The following AGPAT3 variants were observed in gnomAD, a reference collection of about 807,000 sequenced individuals.
AGPAT3 encodes 1-acylglycerol-3-phosphate O-acyltransferase 3.
AGPAT3 carries 5 observed loss-of-function variants against 47.3 expected under a neutral mutation model. The ratio of observed to expected loss-of-function variants is 0.11; its 90% confidence interval spans 0.06 to 0.22. The LOEUF (loss-of-function observed/expected upper bound fraction) is 0.22. AGPAT3 is among the 10% of genes least tolerant of loss of function. AGPAT3 has a pLI of 1.00. For missense variants in AGPAT3, 315 were observed against 493.0 expected (o/e 0.64, Z 3.42); for synonymous variants, 212 against 208.3 (o/e 1.02, Z -0.15).
At position 43,955,516 on chromosome 21, in the gene AGPAT3, C is replaced by T. The variant is rs1405971245; in HGVS notation, c.-48-4118C>T. The stretch of plus-strand genomic sequence containing the variant: ...CGATCTCAGCTCACTGCAGCCTCCT[C>T]CTCCCAGGTTCAAGCTATTTTCCTG... On this transcript the variant is annotated intron_variant, in intron 2 of 9. Coordinates refer to ENST00000291572, the MANE Select transcript of AGPAT3 (RefSeq NM_020132.5). This position sits in a 1 kb window ranked among gnomAD's most constrained non-coding sequence, Gnocchi z 4.1. Among the ~76,000 whole-genome samples the T allele has an allele frequency of 6.6e-6, 1 of 152,066 alleles. No individual in the cohort carries two copies. Among genetic ancestry groups the T allele is most frequent in the Non-Finnish European group, 1.5e-5 (1 of 68,012 alleles).
intron 3 of AGPAT3, among the ~76,000 whole-genome samples, chr21:43,961,040 T>C (rs1055169932): frequency 2.6e-5 from 4 of 151,604 alleles, no homozygotes; most frequent in African/African-American, 4.8e-5. Context: ...CTCGGGAGGC[T>C]GAGGCAGGAG....
chr21:43,878,020 T>C (rs2085772067), intron 1 of AGPAT3, among the ~76,000 whole-genome samples: 1 of 151,994 alleles, frequency 6.6e-6, no homozygotes, highest in South Asian at 2.1e-4. Context: ...GTGGGGTCGC[T>C]CCAGCTCAGA....
intron 1 of AGPAT3, among the ~76,000 whole-genome samples, chr21:43,892,966 G>T (rs937004405): frequency 6.6e-6 from 1 of 152,160 alleles, no homozygotes; most frequent in Non-Finnish European, 1.5e-5. Context: ...ATGGTGACTT[G>T]TGCCTGTCAT....
rs1411928686 is a variant in AGPAT3 at position 43,981,234 on chromosome 21, G to A, written c.1042+47G>A. ...AGCTCACACTCTGACGGGCCTCACAGTATCAGCCACAGGGTCCGGGACCTG... is the reference window on the plus strand; with the variant it reads ...AGCTCACACTCTGACGGGCCTCACAATATCAGCCACAGGGTCCGGGACCTG... On this transcript the variant is annotated intron_variant, in intron 9 of 9. Transcript: ENST00000291572. This position sits in a 1 kb window ranked among gnomAD's most constrained non-coding sequence, Gnocchi z 5.3. 4 of 1,598,604 alleles carry A rather than the reference G, an allele frequency of 2.5e-6. No homozygotes were observed. Among genetic ancestry groups the A allele is most frequent in the South Asian group, 2.2e-5 (2 of 90,538 alleles).
chr21:43,894,084 T>G (rs1204234021), intron 1 of AGPAT3, among the ~76,000 whole-genome samples: 1 of 152,190 alleles, frequency 6.6e-6, no homozygotes, highest in African/African-American at 2.4e-5. Context: ...CCTTCCGGCT[T>G]CTGGCGTTCA....
At position 43,866,768 on chromosome 21, in the gene AGPAT3, C is replaced by T. The variant is rs117887901; in HGVS notation, c.-112+1423C>T. On this transcript the variant is annotated intron_variant, in intron 1 of 9. Coordinates refer to ENST00000291572, the MANE Select transcript of AGPAT3 (RefSeq NM_020132.5). ...CCTTGGCCTTAGAAGGTGTAGGGGC[C>T]TTAAATATTCTGAAGGTGACTTCAT... The T allele has an allele frequency of 6.5e-3, 993 of 152,398 alleles. 8 individuals are homozygous for T. The highest frequency in any genetic ancestry group is 9.2e-3 in the Admixed American group (141 of 15,308). The allele number at this position is 152,398 out of a possible 1,614,324, so 9.4% of individuals were successfully genotyped here.
At position 43,878,084 on chromosome 21, in the gene AGPAT3, G is replaced by A. The variant is rs148005239; in HGVS notation, c.-112+12739G>A. ...AGAGGCAGCCTTTCAGTGGCCCTGC[G>A]CTTTCCCCGCCACTGCTTGCTCAGC... On this transcript the variant is annotated intron_variant, in intron 1 of 9. Coordinates refer to ENST00000291572, the MANE Select transcript of AGPAT3 (RefSeq NM_020132.5). Among the ~76,000 whole-genome samples the A allele has an allele frequency of 8.9e-3, 1,350 of 152,132 alleles. 24 individuals are homozygous for A. Among genetic ancestry groups the A allele is most frequent in the African/African-American group, 0.031 (1,266 of 41,498 alleles).
chr21:43,969,121 T>G lies in AGPAT3; in HGVS notation c.352T>G (p.Ser118Ala), dbSNP rs2089283916. Reference protein sequence around the residue: ...MCERFGVLGSSKVLAKKELLY... With the variant: ...MCERFGVLGSAKVLAKKELLY... ...CCCCTCCTTCTCCTCCCTCCAGAGC[T>G]CCAAGGTCCTCGCTAAGAAGGAGCT... The change falls in exon 5 of 10, where the codon TCC becomes GCC. Residue 118 changes from serine to alanine, a missense_variant. Transcript: ENST00000291572. 1.2e-6 allele frequency: 2 copies of G among 1,614,130 alleles called. No individual in the cohort carries two copies. Among genetic ancestry groups the G allele is most frequent in the Non-Finnish European group, 1.7e-6 (2 of 1,179,984 alleles).
At chr21:43,963,363 C>G (rs138948021) in intron 3 of AGPAT3, among the ~76,000 whole-genome samples, 1 of 152,052 alleles carries the variant, frequency 6.6e-6, no homozygotes, top group Non-Finnish European at 1.5e-5. Flanking sequence ...CCAAGCAGAG[C>G]GAATGCACAG....
At chr21:43,907,108 T>G (rs2086519013) in intron 2 of AGPAT3, among the ~76,000 whole-genome samples, 1 of 150,270 alleles carries the variant, frequency 6.7e-6, no homozygotes, top group African/African-American at 2.4e-5. Context: ...CTCAGGTCAC[T>G]TCAGCCTTGA....
chr21:43,890,274 G>A (rs564351005), intron 1 of AGPAT3, among the ~76,000 whole-genome samples: 1 of 152,234 alleles, frequency 6.6e-6, no homozygotes, highest in South Asian at 2.1e-4. Context: ...GTGAGACCGC[G>A]CGTCTGCTTC....
At chr21:43,936,665 G>T (rs2087458597) in intron 2 of AGPAT3, among the ~76,000 whole-genome samples, 1 of 152,254 alleles carries the variant, frequency 6.6e-6, no homozygotes, top group African/African-American at 2.4e-5. Context: ...TGCCCACAGA[G>T]ACTTCAGATA....
rs530627540 is a variant in AGPAT3, at chr21:43,904,248, T to G, written c.-49+229T>G. On this transcript the variant is annotated intron_variant, in intron 2 of 9. Coordinates refer to ENST00000291572, the MANE Select transcript of AGPAT3 (RefSeq NM_020132.5). ...TTTGTCCAAAACCCAGATGATAAAG[T>G]TCAGGTAACTTTGTTCTCTTCCTGC... Among the ~76,000 whole-genome samples, 7 of 152,316 alleles carry G rather than the reference T, an allele frequency of 4.6e-5. No homozygotes were observed. In the East Asian group the frequency reaches 1.4e-3, roughly 29 times the overall value.
At position 43,955,546 on chromosome 21, in the gene AGPAT3, G is replaced by C. The variant is rs539458054; in HGVS notation, c.-48-4088G>C. On this transcript the variant is annotated intron_variant, in intron 2 of 9. Coordinates refer to ENST00000291572, the MANE Select transcript of AGPAT3 (RefSeq NM_020132.5). This position sits in a 1 kb window ranked among gnomAD's most constrained non-coding sequence, Gnocchi z 4.1. ...CAGGTTCAAGCTATTTTCCTGCCTCGGCCTCCCAAAGTGCTCAGATTACAG... is the reference window on the plus strand; with the variant it reads ...CAGGTTCAAGCTATTTTCCTGCCTCCGCCTCCCAAAGTGCTCAGATTACAG... Among the ~76,000 whole-genome samples the C allele has an allele frequency of 9.2e-5, 14 of 151,934 alleles. No individual in the cohort carries two copies. The South Asian group carries it at 2.9e-3, about 32-fold the overall frequency.
chr21:43,899,554 G>A (rs528282882), intron 1 of AGPAT3, among the ~76,000 whole-genome samples: 11 of 152,302 alleles, frequency 7.2e-5, no homozygotes, highest in Non-Finnish European at 1.0e-4. Flanking sequence ...TGCCCTTACC[G>A]AGTGCGTTGG....
In AGPAT3 at chr21:43,981,275, G is replaced by A. The variant is rs2089840252; in HGVS notation, c.1042+88G>A. ...CCGGGACCTGGTGACTCATCACAGT[G>A]GCTGTGGGAGGCAGGGGCCTGGCTG... is the stretch of plus-strand genomic sequence containing the variant. On this transcript the variant is annotated intron_variant, in intron 9 of 9. Coordinates refer to ENST00000291572, the MANE Select transcript of AGPAT3 (RefSeq NM_020132.5). This position sits in a 1 kb window ranked among gnomAD's most constrained non-coding sequence, Gnocchi z 5.3. 1 of 1,406,542 alleles carries A rather than the reference G, an allele frequency of 7.1e-7. No homozygotes were observed. The highest frequency in any genetic ancestry group is 1.4e-5 in the African/African-American group (1 of 70,926). The allele number at this position is 1,406,542 out of a possible 1,614,324, so 87.1% of individuals were successfully genotyped here.
At chr21:43,931,267 T>C (rs1334943340) in intron 2 of AGPAT3, among the ~76,000 whole-genome samples, 1 of 151,936 alleles carries the variant, frequency 6.6e-6, no homozygotes, top group Non-Finnish European at 1.5e-5. Context: ...GTGAGGGAGG[T>C]TAATCACACC....
At position 43,939,633 on chromosome 21, in the gene AGPAT3, A is replaced by G. The variant is rs2087584744; in HGVS notation, c.-48-20001A>G. Among the ~76,000 whole-genome samples the G allele has an allele frequency of 6.6e-6, 1 of 152,208 alleles. No individual in the cohort carries two copies. The highest frequency in any genetic ancestry group is 2.1e-4 in the South Asian group (1 of 4,820). ...CAGGCTGGGTGGCTGTTCTCTGTTG[A>G]GCCCACAGCCATGCCCCACATGCAG... On this transcript the variant is annotated intron_variant, in intron 2 of 9. Transcript: ENST00000291572. This position sits in a 1 kb window ranked among gnomAD's most constrained non-coding sequence, Gnocchi z 4.4.
rs138234342 is a variant in AGPAT3 at position 43,955,025 on chromosome 21, C to A, written c.-48-4609C>A. 9 of 1,171,366 alleles carry A rather than the reference C, an allele frequency of 7.7e-6. No homozygotes were observed. The African/African-American group carries it at 1.1e-4, about 15-fold the overall frequency. The allele number at this position is 1,171,366 out of a possible 1,614,324, so 72.6% of individuals were successfully genotyped here. A position where few individuals can be genotyped will look rare whatever the true frequency, so the allele number is the denominator to read the frequency against. ...AGCTGCATCCACACAGAGGCTGGGA[C>A]GTGAATGTGCATCACGGCTCTATCT... is the stretch of plus-strand genomic sequence containing the variant. On this transcript the variant is annotated intron_variant, in intron 2 of 9. Coordinates refer to ENST00000291572, the MANE Select transcript of AGPAT3 (RefSeq NM_020132.5). The surrounding 1 kb of genome is among the most constrained non-coding windows in gnomAD (Gnocchi z 4.1).
Sources: gnomAD v4.1 joint callset for allele counts (sites outside exome capture counted in the v4.1 genomes callset) on GRCh38, gnomAD v4.1.1 for gene constraint, Gnocchi (gnomAD v3.1) non-coding constraint, MANE v1.5 for transcripts, NCBI Gene and HGNC (gene_info 2026-07-23, HGNC 2026-07-21) for gene names.